Variants in RALYL observed in about 807,000 individuals in gnomAD.
RALYL encodes RNA-binding Raly-like protein.
In RALYL, 29 loss-of-function variants were observed where a neutral mutation model predicts 35.1. That is an observed-to-expected ratio of 0.83 (90% CI 0.61 to 1.13). The LOEUF is 1.13. Ranked by LOEUF, RALYL falls within the 50% of genes most tolerant of loss-of-function variation. The probability of loss-of-function intolerance (pLI) is 0.00; values close to 1 mark genes in which losing one functional copy is unlikely to be tolerated. For missense variants in RALYL, 359 were observed against 360.4 expected, an observed-to-expected ratio of 1.00 and a Z score of 0.03; for synonymous variants, 120 against 127.6, an observed-to-expected ratio of 0.94 and a Z score of 0.40.
At position 84,862,220 on chromosome 8, in the gene RALYL, C is replaced by CTGT. The variant is rs140710615; in HGVS notation, c.414-74_414-72dup. 1.6e-3 allele frequency: 1,896 copies of CTGT among 1,221,280 alleles called. 26 individuals are homozygous for CTGT. In the African/African-American group the frequency reaches 0.026, roughly 17 times the overall value. 75.7% of individuals were successfully genotyped at this position (1,221,280 alleles called of 1,614,324 possible). The stretch of plus-strand genomic sequence containing the variant: ...TATTGAAATTTTCTACCAGGACATT[C>CTGT]TGTTCAACATTTCACATATTTGATA... On this transcript the variant is annotated intron_variant, in intron 5 of 8. Coordinates refer to ENST00000521268, the MANE Select transcript of RALYL (RefSeq NM_173848.7).
chr8:84,636,250 A>G (rs911292209), intron 2 of RALYL, among the ~76,000 whole-genome samples: 4 of 151,708 alleles, frequency 2.6e-5, no homozygotes, highest in Non-Finnish European at 5.9e-5. Flanking sequence ...GAAATGTCTT[A>G]TATCTACTCT....
intron 1 of RALYL, among the ~76,000 whole-genome samples, chr8:84,359,979 T>A (rs916201435): frequency 6.6e-6 from 1 of 151,478 alleles, no homozygotes; most frequent in African/African-American, 2.4e-5. Context: ...TCACTACAAA[T>A]CTCATGCCTC....
chr8:84,792,237 C>T lies in RALYL; in HGVS notation c.333-12533C>T, dbSNP rs73299225. 5.4e-3 allele frequency among the ~76,000 whole-genome samples: 827 copies of T among 152,212 alleles called. 8 individuals carry two copies. Among genetic ancestry groups the T allele is most frequent in the African/African-American group, 0.019 (780 of 41,524 alleles). On this transcript the variant is annotated intron_variant, in intron 3 of 8. Transcript: ENST00000521268. ...CACACACAGACTTGAAAGATGAATG[C>T]GGGGTTTTGTTGAGTCCTGGAGGTG...
intron 1 of RALYL, among the ~76,000 whole-genome samples, chr8:84,413,838 T>C (rs564525986): frequency 2.4e-4 from 37 of 152,214 alleles, no homozygotes; most frequent in Admixed American, 2.1e-3. Flanking sequence ...TTTTGAGTCA[T>C]GAACCAAATC....
chr8:84,679,626 C>T (rs1834948460), intron 2 of RALYL: 2 of 474,828 alleles, frequency 4.2e-6, no homozygotes, highest in Admixed American at 2.3e-5. Flanking sequence ...ATTGGAAGAG[C>T]TCAGTTTGAT....
At chr8:84,364,545 A>G (rs1281074505) in intron 1 of RALYL, among the ~76,000 whole-genome samples, 1 of 26,038 alleles carries the variant, frequency 3.8e-5, no homozygotes, top group Non-Finnish European at 6.9e-5. Context: ...TAAAATATAA[A>G]AAGTTTAATA....
intron 3 of RALYL, among the ~76,000 whole-genome samples, chr8:84,796,937 T>C (rs1337771210): frequency 1.3e-5 from 2 of 152,190 alleles, no homozygotes; most frequent in Non-Finnish European, 1.5e-5. Context: ...TACAGAACAG[T>C]GGCTGTATAG....
intron 3 of RALYL, among the ~76,000 whole-genome samples, chr8:84,787,299 G>T (rs537486820): frequency 6.6e-4 from 100 of 152,076 alleles, no homozygotes; most frequent in Middle Eastern, 3.4e-3. Flanking sequence ...TGAGAATGAT[G>T]GTTTCCAGCT....
chr8:84,813,152 G>A (rs889752405), intron 4 of RALYL, among the ~76,000 whole-genome samples: 3 of 152,134 alleles, frequency 2.0e-5, no homozygotes, highest in Admixed American at 6.6e-5. Flanking sequence ...TCCAGATAAG[G>A]TCGGAAACTT....
rs556545013 is a variant in RALYL at position 84,425,218 on chromosome 8, A to T, written c.-23-104081A>T. On this transcript the variant is annotated intron_variant, in intron 1 of 8. Transcript: ENST00000521268. ...ATCAGCGAGATTCCGTGGGCATAGG[A>T]CCCTCCGAGCCAGGTGTGGGATATA... is the stretch of plus-strand genomic sequence containing the variant. 3.2e-3 allele frequency among the ~76,000 whole-genome samples: 487 copies of T among 150,174 alleles called. 4 individuals are homozygous for T. The highest frequency in any genetic ancestry group is 0.012 in the African/African-American group (475 of 40,748).
intron 1 of RALYL, among the ~76,000 whole-genome samples, chr8:84,378,546 CAGA>C (rs1043404394): frequency 6.6e-6 from 1 of 151,750 alleles, no homozygotes; most frequent in African/African-American, 2.4e-5. Flanking sequence ...GTCTAGGAGA[CAGA>C]AGAATTGTCC....
At chr8:84,305,600 T>C (rs1388870252) in intron 1 of RALYL, among the ~76,000 whole-genome samples, 1 of 152,244 alleles carries the variant, frequency 6.6e-6, no homozygotes, top group East Asian at 1.9e-4. Context: ...TTGTACATAA[T>C]TTAGAGGCAT....
At chr8:84,474,347 C>T (rs1050874785) in intron 1 of RALYL, among the ~76,000 whole-genome samples, 2 of 152,036 alleles carry the variant, frequency 1.3e-5, no homozygotes. Flanking sequence ...GGAAATCTTT[C>T]GAGTTGTTTG....
intron 1 of RALYL, among the ~76,000 whole-genome samples, chr8:84,419,878 T>A (rs537453241): frequency 2.3e-4 from 35 of 151,830 alleles, no homozygotes; most frequent in Non-Finnish European, 4.4e-4. Flanking sequence ...CATTAACTCA[T>A]CATTTTTTAT....
At chr8:84,505,546 A>C (rs1249921461) in intron 1 of RALYL, among the ~76,000 whole-genome samples, 1 of 152,072 alleles carries the variant, frequency 6.6e-6, no homozygotes, top group African/African-American at 2.4e-5. Flanking sequence ...TGAACATTTT[A>C]TATATTTTTA....
intron 8 of RALYL, among the ~76,000 whole-genome samples, chr8:84,899,978 A>G (rs1323170664): frequency 6.6e-6 from 1 of 152,232 alleles, no homozygotes; most frequent in Non-Finnish European, 1.5e-5. Context: ...AACTGCAGCT[A>G]TCAGTGCAGC....
intron 2 of RALYL, among the ~76,000 whole-genome samples, chr8:84,687,410 T>C (rs753077076): frequency 6.6e-6 from 1 of 152,082 alleles, no homozygotes. Context: ...AATACCCGAG[T>C]GAAAACAACA....
At chr8:84,442,879 T>A (rs2048486219) in intron 1 of RALYL, among the ~76,000 whole-genome samples, 1 of 152,116 alleles carries the variant, frequency 6.6e-6, no homozygotes, top group South Asian at 2.1e-4. Context: ...TAATGGTTTG[T>A]GGAACCAAAA....
At chr8:84,679,377 C>A (rs778391009) in intron 2 of RALYL, 1 of 269,228 alleles carries the variant, frequency 3.7e-6, no homozygotes, top group Non-Finnish European at 7.4e-6. Context: ...ACTACTTCAT[C>A]CAGAGAGATT....
Sources: gnomAD v4.1 joint callset for allele counts (sites outside exome capture counted in the v4.1 genomes callset) on GRCh38, gnomAD v4.1.1 for gene constraint, MANE v1.5 for transcripts, NCBI Gene and HGNC (gene_info 2026-07-23, HGNC 2026-07-21) for gene names.